Variants in TTC28 observed in about 807,000 individuals in gnomAD.
TTC28 encodes the protein tetratricopeptide repeat domain 28.
TTC28 carries 61 observed loss-of-function variants against 198.0 expected under a neutral mutation model. The ratio of observed to expected loss-of-function variants is 0.31; its 90% CI spans 0.25 to 0.38. TTC28 has a LOEUF of 0.38. TTC28 is among the 10% of genes least tolerant of loss of function. The pLI, the probability that TTC28 is intolerant of heterozygous loss-of-function variation, is 1.00. For synonymous variants in TTC28, 1,171 were observed against 1,297.8 expected (o/e 0.90, Z 2.10); for missense variants, 2,678 against 3,164.0 (o/e 0.85, Z 3.69).
intron 13 of TTC28, among the ~76,000 whole-genome samples, chr22:28,027,198 T>C (rs1423826683): frequency 6.6e-6 from 1 of 152,100 alleles, no homozygotes; most frequent in African/African-American, 2.4e-5. Context: ...CTTACATGCA[T>C]GTGCTGGCCT....
chr22:27,987,119 C>T (rs1000322190), intron 21 of TTC28, among the ~76,000 whole-genome samples: 3 of 152,106 alleles, frequency 2.0e-5, no homozygotes, highest in African/African-American at 4.8e-5. Context: ...ACAGGCCTAC[C>T]GGACACCACT....
chr22:28,528,803 T>C (rs112845209), intron 2 of TTC28, among the ~76,000 whole-genome samples: 4 of 151,740 alleles, frequency 2.6e-5, no homozygotes, highest in African/African-American at 7.2e-5. Flanking sequence ...AAAATTATAT[T>C]TGCAAATAAT....
intron 12 of TTC28, among the ~76,000 whole-genome samples, chr22:28,086,941 C>A (rs577094820): frequency 2.2e-4 from 34 of 152,242 alleles, no homozygotes; most frequent in Non-Finnish European, 3.4e-4. Flanking sequence ...GACACATACA[C>A]CCTCCCAAGA....
chr22:28,402,245 G>A (rs1447198462), intron 2 of TTC28, among the ~76,000 whole-genome samples: 3 of 152,120 alleles, frequency 2.0e-5, no homozygotes, highest in Admixed American at 1.3e-4. Flanking sequence ...AGTGGCAGAT[G>A]GATGACACGG....
In TTC28 at chr22:28,112,928, G is replaced by A. The variant is rs966236636; in HGVS notation, c.1442-4525C>T. Among the ~76,000 whole-genome samples the A allele has an allele frequency of 7.2e-5, 11 of 152,230 alleles. No homozygotes were observed. The South Asian group carries it at 1.0e-3, about 14-fold the overall frequency. On this transcript the variant is annotated intron_variant, in intron 6 of 22. Transcript: ENST00000397906. ...ACACATGGTTATGAATTTATACATC[G>A]TCACAGCAGGTCTCCACCTATGGGT...
intron 12 of TTC28, among the ~76,000 whole-genome samples, chr22:28,047,453 C>T (rs1263156529): frequency 6.6e-6 from 1 of 152,170 alleles, no homozygotes; most frequent in Non-Finnish European, 1.5e-5. Flanking sequence ...ATAGAAGGTG[C>T]ACAGCCAGAC....
At chr22:28,599,572 T>C (rs2050604717) in intron 2 of TTC28, among the ~76,000 whole-genome samples, 1 of 152,108 alleles carries the variant, frequency 6.6e-6, no homozygotes, top group Non-Finnish European at 1.5e-5. Context: ...GAGGATCCCT[T>C]GAGGCCAGGA....
chr22:28,377,102 A>G (rs915141159), intron 2 of TTC28, among the ~76,000 whole-genome samples: 14 of 3,680 alleles, frequency 3.8e-3, no homozygotes, highest in Admixed American at 0.034. Flanking sequence ...TTCTAAAGTA[A>G]AAAAACCCAT....
At chr22:28,676,611 C>G (rs920737366) in intron 1 of TTC28, among the ~76,000 whole-genome samples, 4 of 151,930 alleles carry the variant, frequency 2.6e-5, no homozygotes, top group African/African-American at 9.7e-5. Context: ...GACTAAAATG[C>G]CTAATTTTTC....
At chr22:28,308,512 T>C (rs2045188998) in intron 2 of TTC28, among the ~76,000 whole-genome samples, 1 of 152,154 alleles carries the variant, frequency 6.6e-6, no homozygotes, top group Non-Finnish European at 1.5e-5. Context: ...TTCTTACATA[T>C]TTGAAGCAAA....
At chr22:28,285,705 A>G (rs1364729160) in intron 5 of TTC28, among the ~76,000 whole-genome samples, 1 of 152,208 alleles carries the variant, frequency 6.6e-6, no homozygotes, top group Non-Finnish European at 1.5e-5. Context: ...TTCAGCAATT[A>G]TACTTCAATA....
At chr22:28,597,523 T>C (rs1374985895) in intron 2 of TTC28, among the ~76,000 whole-genome samples, 1 of 152,170 alleles carries the variant, frequency 6.6e-6, no homozygotes, top group Non-Finnish European at 1.5e-5. Context: ...AAAATGTGTA[T>C]ATTGGAAAGG....
intron 12 of TTC28, among the ~76,000 whole-genome samples, chr22:28,079,077 G>A (rs1941253909): frequency 6.6e-6 from 1 of 152,198 alleles, no homozygotes; most frequent in Non-Finnish European, 1.5e-5. Flanking sequence ...TAAGGAAAGT[G>A]AGCTGGAGTC....
At chr22:28,614,104 T>TA (rs1375601505) in intron 2 of TTC28, among the ~76,000 whole-genome samples, 1 of 152,168 alleles carries the variant, frequency 6.6e-6, no homozygotes, top group African/African-American at 2.4e-5. Context: ...AGTCTCAGGA[T>TA]ACAAAATCAA....
intron 1 of TTC28, among the ~76,000 whole-genome samples, chr22:28,637,637 G>A (rs2051297062): frequency 6.6e-6 from 1 of 151,954 alleles, no homozygotes; most frequent in African/African-American, 2.4e-5. Context: ...TGACAAAATG[G>A]CAATAGTAAG....
chr22:28,656,914 A>T (rs1014790665), intron 1 of TTC28, among the ~76,000 whole-genome samples: 1 of 152,204 alleles, frequency 6.6e-6, no homozygotes, highest in African/African-American at 2.4e-5. Flanking sequence ...AATTTAAAAA[A>T]ATACAAAAAA....
At chr22:28,236,522 G>A (rs968514358) in intron 5 of TTC28, among the ~76,000 whole-genome samples, 21 of 152,098 alleles carry the variant, frequency 1.4e-4, no homozygotes, top group African/African-American at 5.1e-4. Context: ...GGTAATAGGT[G>A]GCATACAGTG....
intron 5 of TTC28, among the ~76,000 whole-genome samples, chr22:28,241,280 A>T (rs1193274102): frequency 6.6e-6 from 1 of 152,124 alleles, no homozygotes; most frequent in Non-Finnish European, 1.5e-5. Context: ...TAATCAAATT[A>T]AGGAATATTC....
At chr22:28,661,102 T>C (rs1413205166) in intron 1 of TTC28, among the ~76,000 whole-genome samples, 5 of 151,624 alleles carry the variant, frequency 3.3e-5, no homozygotes, top group African/African-American at 4.8e-5. Flanking sequence ...CTGACCAACA[T>C]GGAGAAACCC....
Sources: gnomAD v4.1 joint callset for allele counts (sites outside exome capture counted in the v4.1 genomes callset) on GRCh38, gnomAD v4.1.1 for gene constraint, MANE v1.5 for transcripts, NCBI Gene and HGNC (gene_info 2026-07-23, HGNC 2026-07-21) for gene names.